Variants in MAP3K20 observed in about 807,000 individuals in gnomAD.
MAP3K20 encodes HCCS-4.
Under a neutral mutation model 85.7 loss-of-function variants are expected in MAP3K20, and 40 were observed. The observed-to-expected ratio is 0.47, with a 90% CI of 0.36 to 0.61. The LOEUF (loss-of-function observed/expected upper bound fraction) is 0.61, where lower values mean the gene tolerates loss of function less well. Ranked by LOEUF, MAP3K20 falls within the 20% of genes least tolerant of loss-of-function variation. MAP3K20 has a pLI of 0.00. For missense variants in MAP3K20, 817 were observed against 961.7 expected (o/e 0.85, Z 1.99); for synonymous variants, 325 against 327.7 (o/e 0.99, Z 0.09).
At chr2:173,090,458 T>C (rs1470607869) in intron 1 of MAP3K20, among the ~76,000 whole-genome samples, 1 of 133,892 alleles carries the variant, frequency 7.5e-6, no homozygotes, top group Non-Finnish European at 1.6e-5. Flanking sequence ...CTGTCATCCC[T>C]AACCTGAAAG....
At chr2:173,221,169 C>G in intron 11 of MAP3K20, 1 of 1,526,784 alleles carries the variant, frequency 6.5e-7, no homozygotes, top group East Asian at 2.3e-5. Context: ...CCTCTTGCTG[C>G]AAGAATGTCT....
intron 16 of MAP3K20, among the ~76,000 whole-genome samples, chr2:173,255,383 A>G (rs551627592): frequency 3.3e-5 from 5 of 152,190 alleles, no homozygotes; most frequent in Admixed American, 6.5e-5. Flanking sequence ...CTTTGGAGTC[A>G]CACAGCCTTG....
At chr2:173,194,375 A>G (rs1410809730) in intron 7 of MAP3K20, among the ~76,000 whole-genome samples, 1 of 152,184 alleles carries the variant, frequency 6.6e-6, no homozygotes, top group Admixed American at 6.5e-5. Context: ...AATAAACACC[A>G]TTAATGAGAG....
intron 2 of MAP3K20, among the ~76,000 whole-genome samples, chr2:173,144,462 C>CAAACA (rs1689073945): frequency 1.1e-5 from 1 of 92,878 alleles, no homozygotes; most frequent in African/African-American, 3.9e-5. Context: ...GACTCCGTCT[C>CAAACA]AAAAAAAAAA....
At chr2:173,159,378 T>TCC (rs59716778) in intron 2 of MAP3K20, among the ~76,000 whole-genome samples, 6 of 137,730 alleles carry the variant, frequency 4.4e-5, no homozygotes, top group Non-Finnish European at 8.0e-5. Flanking sequence ...TTCCTTTCCT[T>TCC]TTCTTTTCTT....
intron 14 of MAP3K20, 54 bp downstream of exon 14, chr2:173,232,513 G>T (rs770109639): frequency 2.1e-4 from 327 of 1,593,644 alleles, no homozygotes; most frequent in Non-Finnish European, 2.7e-4. Context: ...TGTTTGTTTG[G>T]TTTTTTTTGA....
chr2:173,265,970 A>AT (rs1240453417), intron 19 of MAP3K20, 80 bp from the exon 20 acceptor site: 2 of 1,421,686 alleles, frequency 1.4e-6, no homozygotes, highest in Non-Finnish European at 1.9e-6. Context: ...ACAGCCCTGA[A>AT]TTATCCTAAG....
At chr2:173,222,418 T>A in intron 11 of MAP3K20, 1 of 985,852 alleles carries the variant, frequency 1.0e-6, no homozygotes, top group African/African-American at 1.7e-5. Flanking sequence ...ACAGCAGATG[T>A]TGCAAACTTT....
intron 2 of MAP3K20, among the ~76,000 whole-genome samples, chr2:173,159,515 G>C (rs1209848261): frequency 6.6e-6 from 1 of 151,444 alleles, no homozygotes; most frequent in African/African-American, 2.4e-5. Context: ...TCAGTCTCCT[G>C]AGTAGCTGGG....
intron 2 of MAP3K20, among the ~76,000 whole-genome samples, chr2:173,157,934 C>G (rs766664821): frequency 9.2e-5 from 14 of 152,178 alleles, no homozygotes; most frequent in Non-Finnish European, 1.8e-4. Flanking sequence ...TTGGAACTTT[C>G]TAGACCAGTT....
chr2:173,113,826 A>T (rs1688042570), intron 2 of MAP3K20, among the ~76,000 whole-genome samples: 1 of 152,056 alleles, frequency 6.6e-6, no homozygotes, highest in South Asian at 2.1e-4. Context: ...TATCTTGGAG[A>T]AAGTTCCATA....
At chr2:173,190,982 T>C in intron 6 of MAP3K20, 58 bp from the exon 7 acceptor site, 1 of 1,608,532 alleles carries the variant, frequency 6.2e-7, no homozygotes, top group Non-Finnish European at 8.5e-7. Flanking sequence ...TTTTTGTAAC[T>C]GATAATCCCT....
chr2:173,202,877 A>T (rs1683525441), intron 8 of MAP3K20, among the ~76,000 whole-genome samples: 1 of 152,200 alleles, frequency 6.6e-6, no homozygotes, highest in Admixed American at 6.5e-5. Context: ...TATTTGGTAG[A>T]TGCATTCTGC....
intron 12 of MAP3K20, among the ~76,000 whole-genome samples, chr2:173,231,101 A>T (rs770500877): frequency 6.6e-6 from 1 of 152,190 alleles, no homozygotes; most frequent in African/African-American, 2.4e-5. Context: ...AAAACAAAAG[A>T]TGTAATGCCA....
At chr2:173,238,258 C>G in intron 14 of MAP3K20, 115 bp from the exon 15 acceptor site, 1 of 831,278 alleles carries the variant, frequency 1.2e-6, no homozygotes, top group Non-Finnish European at 1.9e-6. Flanking sequence ...TATAAATGCC[C>G]CCAAGATATT....
intron 2 of MAP3K20, among the ~76,000 whole-genome samples, chr2:173,114,501 G>A (rs144370006): frequency 0.035 from 5,261 of 152,182 alleles, 333 homozygotes; most frequent in African/African-American, 0.12. Context: ...TATAGGTCCT[G>A]TGTGATTTAT....
intron 8 of MAP3K20, among the ~76,000 whole-genome samples, chr2:173,200,402 CT>C (rs1204094150): frequency 3.3e-5 from 5 of 152,048 alleles, no homozygotes; most frequent in Non-Finnish European, 4.4e-5. Context: ...ACTTCTAATT[CT>C]TTTACTGTAT....
At chr2:173,077,577 C>G (rs1686902395) in intron 1 of MAP3K20, among the ~76,000 whole-genome samples, 1 of 152,076 alleles carries the variant, frequency 6.6e-6, no homozygotes, top group Non-Finnish European at 1.5e-5. Flanking sequence ...TTTAATCTAT[C>G]ACAATTTAAT....
At chr2:173,239,541 C>G in intron 16 of MAP3K20, 45 bp downstream of exon 16, 2 of 1,545,250 alleles carry the variant, frequency 1.3e-6, no homozygotes, top group South Asian at 1.2e-5. Context: ...AATCGAACTA[C>G]TCTTTTTTCT....
Sources: gnomAD v4.1 joint callset for allele counts (sites outside exome capture counted in the v4.1 genomes callset) on GRCh38, gnomAD v4.1.1 for gene constraint, MANE v1.5 for transcripts, NCBI Gene and HGNC (gene_info 2026-07-23, HGNC 2026-07-21) for gene names.